RFTN1: variants seen among roughly 807,000 people sequenced by gnomAD.
RFTN1 encodes the protein raftlin.
Under a neutral mutation model 46.5 loss-of-function variants are expected in RFTN1, and 26 were observed. The observed-to-expected ratio is 0.56, with a 90% CI of 0.41 to 0.78. The LOEUF is 0.78. Among genes scored for constraint, RFTN1 ranks in the 30% least tolerant of loss-of-function variants. The pLI, the probability that RFTN1 is intolerant of heterozygous loss-of-function variation, is 0.00. For synonymous variants in RFTN1, 261 were observed against 284.2 expected (o/e 0.92, Z 0.82); for missense variants, 693 against 718.7 (o/e 0.96, Z 0.41).
intron 5 of RFTN1, among the ~76,000 whole-genome samples, chr3:16,373,779 G>A (rs1186772563): frequency 6.6e-6 from 1 of 152,212 alleles, no homozygotes; most frequent in Non-Finnish European, 1.5e-5. Flanking sequence ...AGTCCAAGCT[G>A]GGTGGGGACT....
Position 16,445,483 on chromosome 3 carries a change from T to TCTCTCACACACACACA in RFTN1, c.146-11447_146-11446insTGTGTGTGTGTGAGAG, listed in dbSNP as rs1352210263. On this transcript the variant is annotated intron_variant, in intron 2 of 9. Transcript: ENST00000334133. ...TTCTCTCTTTCTCTCTCTCTCTCTC[T>TCTCTCACACACACACA]CACACACACACACACACACACACAC... Among the ~76,000 whole-genome samples, 404 of 126,838 alleles carry TCTCTCACACACACACA rather than the reference T, an allele frequency of 3.2e-3. 2 individuals are homozygous for TCTCTCACACACACACA. The highest frequency in any genetic ancestry group is 0.011 in the African/African-American group (371 of 32,696). The allele number at this position is 126,838 out of a possible 152,430, so 83.2% of individuals were successfully genotyped here.
chr3:16,345,829 TGCGCGCAC>T lies in RFTN1; in HGVS notation c.1146+12095_1146+12102del, dbSNP rs1433313290. ...GTGTGTGTGTGTGTGCGCGCGCGCG[TGCGCGCAC>T]GCGCACATGTGCATGTGTATGTGTA... is the stretch of plus-strand genomic sequence containing the variant. On this transcript the variant is annotated intron_variant, in intron 7 of 9. Transcript: ENST00000334133. This position sits in a 1 kb window ranked among gnomAD's most constrained non-coding sequence, Gnocchi z 5.2. Among the ~76,000 whole-genome samples, 1 of 69,826 alleles carries T rather than the reference TGCGCGCAC, an allele frequency of 1.4e-5. No homozygotes were observed. Among genetic ancestry groups the T allele is most frequent in the African/African-American group, 5.3e-5 (1 of 18,858 alleles). The allele number at this position is 69,826 out of a possible 152,430, so 45.8% of individuals were successfully genotyped here. A position where few individuals can be genotyped will look rare whatever the true frequency, so the allele number is the denominator to read the frequency against.
rs1433553953 is a variant in RFTN1, at chr3:16,361,878, G to A, written c.1031-3831C>T. On this transcript the variant is annotated intron_variant, in intron 6 of 9. Coordinates refer to ENST00000334133, the MANE Select transcript of RFTN1 (RefSeq NM_015150.2). This position sits in a 1 kb window ranked among gnomAD's most constrained non-coding sequence, Gnocchi z 4.3. ...GTTCTAGGGAGATGAAGGACAAATG[G>A]AGCAGAGCTGCCGCAGTGGAGCCCA... Among the ~76,000 whole-genome samples, 1 of 152,204 alleles carries A rather than the reference G, an allele frequency of 6.6e-6. No individual in the cohort carries two copies. Among genetic ancestry groups the A allele is most frequent in the Admixed American group, 6.5e-5 (1 of 15,286 alleles).
chr3:16,366,412 T>TC (rs2125351561), intron 6 of RFTN1, among the ~76,000 whole-genome samples: 1 of 152,222 alleles, frequency 6.6e-6, no homozygotes, highest in African/African-American at 2.4e-5. Flanking sequence ...GCCGACATGT[T>TC]CCTGAGTGCC....
rs554929151 is a variant in RFTN1, at chr3:16,323,469, G to A, written c.1251-12C>T. 29 of 1,606,110 alleles carry A rather than the reference G, an allele frequency of 1.8e-5. No individual in the cohort carries two copies. In the Admixed American group the frequency reaches 2.3e-4, roughly 13 times the overall value. ...ATACACTCCCCTCGCTGTAACACAC[G>A]GAGCTGAGAATGAGCCACTTTATGC... On this transcript the variant is annotated splice_polypyrimidine_tract_variant and intron_variant, in intron 8 of 9. Transcript: ENST00000334133.
In RFTN1 at chr3:16,392,504, G is replaced by GC. The variant is rs1465870203; in HGVS notation, c.442-14403dup. 2.6e-5 allele frequency among the ~76,000 whole-genome samples: 4 copies of GC among 152,148 alleles called. No individual in the cohort carries two copies. In the East Asian group the frequency reaches 7.7e-4, roughly 29 times the overall value. Reference sequence around the variant, plus strand: ...AACCTGTGCTGTAAACCAGTCAGCTGCCCCATGTGTTCACTGACGGTGCAT... The same window carrying GC: ...AACCTGTGCTGTAAACCAGTCAGCTGCCCCCATGTGTTCACTGACGGTGCAT... On this transcript the variant is annotated intron_variant, in intron 4 of 9. Transcript: ENST00000334133.
Position 16,316,949 on chromosome 3 carries a change from C to T in RFTN1, c.1616G>A (p.Gly539Asp). ...VGVEGEAVQNGPASHSRALVG... is the reference protein window; with the variant it reads ...VGVEGEAVQNDPASHSRALVG... ...CAGGGCCCTGCTGTGGCTGGCAGGA[C>T]CATTCTGCACAGCCTCACCCTCCAC... The change falls in exon 10 of 10, where the codon GGT (glycine) becomes GAT (aspartate). Residue 539 changes from glycine (G) to aspartate (D), a missense_variant. Gly to Asp is a moderately conservative substitution (Grantham distance 94, BLOSUM62 -1). Transcript: ENST00000334133. The surrounding 1 kb of genome is among the most constrained non-coding windows in gnomAD (Gnocchi z 4.5). 1.2e-6 allele frequency: 2 copies of T among 1,614,042 alleles called. No individual in the cohort carries two copies. The highest frequency in any genetic ancestry group is 1.7e-6 in the Non-Finnish European group (2 of 1,180,004).
In RFTN1 at chr3:16,393,699, C is replaced by T. The variant is rs1559319395; in HGVS notation, c.442-15597G>A. 3.3e-5 allele frequency among the ~76,000 whole-genome samples: 5 copies of T among 151,310 alleles called. No homozygotes were observed. In the South Asian group the frequency reaches 1.0e-3, roughly 32 times the overall value. ...TTTCAGATGGAGTCTTGCTTTCTCA[C>T]CCAGGCTGTAGTGCAGTGGCACGGT... On this transcript the variant is annotated intron_variant, in intron 4 of 9. Coordinates refer to ENST00000334133, the MANE Select transcript of RFTN1 (RefSeq NM_015150.2).
At position 16,504,440 on chromosome 3, in the gene RFTN1, A is replaced by G. The variant is rs2076766918; in HGVS notation, c.-9+9002T>C. ...TAAAGATATGACATCATCAAGAGTA[A>G]TATGGTACTGTCAGATGTTGATATT... On this transcript the variant is annotated intron_variant, in intron 1 of 9. Transcript: ENST00000334133. The surrounding 1 kb of genome is among the most constrained non-coding windows in gnomAD (Gnocchi z 4.4). 6.6e-6 allele frequency among the ~76,000 whole-genome samples: 1 copy of G among 152,192 alleles called. No homozygotes were observed.
intron 1 of RFTN1, among the ~76,000 whole-genome samples, chr3:16,508,694 A>ACG (rs57822813): frequency 5.7e-5 from 6 of 105,344 alleles, no homozygotes; most frequent in Admixed American, 2.9e-4. Flanking sequence ...GATCACACGC[A>ACG]CGCACACACA....
rs763236752 is a variant in RFTN1 at position 16,498,075 on chromosome 3, A to G, written c.-8-4198T>C. On this transcript the variant is annotated intron_variant, in intron 1 of 9. Transcript: ENST00000334133. This position sits in a 1 kb window ranked among gnomAD's most constrained non-coding sequence, Gnocchi z 5.2. ...CATCCCAAAGGGCATTGTGCTTGAT[A>G]TCACAGGACATAAAGGGGCTCTGGG... 3.3e-5 allele frequency among the ~76,000 whole-genome samples: 5 copies of G among 152,198 alleles called. No homozygotes were observed. Among genetic ancestry groups the G allele is most frequent in the Non-Finnish European group, 7.3e-5 (5 of 68,042 alleles).
Position 16,353,564 on chromosome 3 carries a change from C to T in RFTN1, c.1146+4368G>A, listed in dbSNP as rs1270029546. 1.3e-5 allele frequency among the ~76,000 whole-genome samples: 2 copies of T among 152,202 alleles called. No homozygotes were observed. The highest frequency in any genetic ancestry group is 4.8e-5 in the African/African-American group (2 of 41,440). The stretch of plus-strand genomic sequence containing the variant: ...ATTCTTGGGCCCCATCTCAGAGCCA[C>T]CGTTAAAGACTAAATGTTTTCTATC... On this transcript the variant is annotated intron_variant, in intron 7 of 9. Transcript: ENST00000334133. This position sits in a 1 kb window ranked among gnomAD's most constrained non-coding sequence, Gnocchi z 5.4.
intron 3 of RFTN1, among the ~76,000 whole-genome samples, chr3:16,430,021 T>G (rs1281134961): frequency 6.6e-6 from 1 of 152,248 alleles, no homozygotes; most frequent in Non-Finnish European, 1.5e-5. Context: ...TCACTTTAAC[T>G]GTCTGAATTA....
rs762939325 is a variant in RFTN1 at position 16,344,698 on chromosome 3, A to C, written c.1146+13234T>G. Among the ~76,000 whole-genome samples the C allele has an allele frequency of 6.6e-6, 1 of 152,192 alleles. No individual in the cohort carries two copies. Among genetic ancestry groups the C allele is most frequent in the Non-Finnish European group, 1.5e-5 (1 of 68,046 alleles). On this transcript the variant is annotated intron_variant, in intron 7 of 9. Coordinates refer to ENST00000334133, the MANE Select transcript of RFTN1 (RefSeq NM_015150.2). The surrounding 1 kb of genome is among the most constrained non-coding windows in gnomAD (Gnocchi z 4.4). ...ACAGGATGGCATCAGAAAGCTCATGAAGACAGACCTCCTCCCAATGAAAGC... is the reference window on the plus strand; with the variant it reads ...ACAGGATGGCATCAGAAAGCTCATGCAGACAGACCTCCTCCCAATGAAAGC...
chr3:16,456,404 G>T (rs2075906500), intron 2 of RFTN1, among the ~76,000 whole-genome samples: 1 of 152,174 alleles, frequency 6.6e-6, no homozygotes, highest in Non-Finnish European at 1.5e-5. Context: ...CCTAAAAGAT[G>T]AGAGGAAACT....
intron 3 of RFTN1, among the ~76,000 whole-genome samples, chr3:16,419,522 G>T (rs1466113764): frequency 6.6e-6 from 1 of 152,148 alleles, no homozygotes; most frequent in Admixed American, 6.5e-5. Flanking sequence ...AATTGGTGGT[G>T]GTTGTGGGCA....
In RFTN1 at chr3:16,424,161, G is replaced by A. The variant is rs1375639249; in HGVS notation, c.332+9690C>T. 6.6e-6 allele frequency among the ~76,000 whole-genome samples: 1 copy of A among 152,142 alleles called. No homozygotes were observed. The highest frequency in any genetic ancestry group is 1.5e-5 in the Non-Finnish European group (1 of 68,016). On this transcript the variant is annotated intron_variant, in intron 3 of 9. Transcript: ENST00000334133. The surrounding 1 kb of genome is among the most constrained non-coding windows in gnomAD (Gnocchi z 4.7). ...CAGAAAATTCTCAGAATTCTCTGAG[G>A]ATGTTTCTATAAGCTCTGGGGCCTC...
rs2076410233 is a variant in RFTN1 at position 16,484,138 on chromosome 3, C to T, written c.145+9587G>A. 6.6e-6 allele frequency among the ~76,000 whole-genome samples: 1 copy of T among 152,208 alleles called. No individual in the cohort carries two copies. Among genetic ancestry groups the T allele is most frequent in the African/African-American group, 2.4e-5 (1 of 41,446 alleles). On this transcript the variant is annotated intron_variant, in intron 2 of 9. Coordinates refer to ENST00000334133, the MANE Select transcript of RFTN1 (RefSeq NM_015150.2). The surrounding 1 kb of genome is among the most constrained non-coding windows in gnomAD (Gnocchi z 4.6). ...TTAGGCACCCAAACACTTAGCTCCC[C>T]ACAACTTTCATTTCTTAATTTTCAG...
intron 2 of RFTN1, among the ~76,000 whole-genome samples, chr3:16,482,337 T>C (rs1272418346): frequency 6.6e-6 from 1 of 152,224 alleles, no homozygotes; most frequent in African/African-American, 2.4e-5. Flanking sequence ...CAACACAGCA[T>C]AAGACAATGC....
Sources: gnomAD v4.1 joint callset for allele counts (sites outside exome capture counted in the v4.1 genomes callset) on GRCh38, gnomAD v4.1.1 for gene constraint, Gnocchi (gnomAD v3.1) non-coding constraint, MANE v1.5 for transcripts, NCBI Gene and HGNC (gene_info 2026-07-23, HGNC 2026-07-21) for gene names.